The following TMTC3 variants were observed in gnomAD, a reference collection of about 807,000 sequenced individuals.
TMTC3 encodes the protein protein O-mannosyl-transferase TMTC3.
Under a neutral mutation model 92.2 loss-of-function variants are expected in TMTC3, and 52 were observed. The ratio of observed to expected loss-of-function variants is 0.56; its 90% CI spans 0.45 to 0.71. The LOEUF is 0.71. Among genes scored for constraint, TMTC3 ranks in the 30% least tolerant of loss-of-function variants. TMTC3 has a pLI of 0.00. For missense variants in TMTC3, 896 were observed against 1,057.1 expected (o/e 0.85, Z 2.11); for synonymous variants, 339 against 363.3 (o/e 0.93, Z 0.76).
chr12:88,142,838 C>T (rs1389499986), intron 1 of TMTC3, among the ~76,000 whole-genome samples: 1 of 152,070 alleles, frequency 6.6e-6, no homozygotes, highest in Non-Finnish European at 1.5e-5. Flanking sequence ...GATCGTGGGG[C>T]TTGATGGTTG....
chr12:88,153,696 G>T (rs2040972331), intron 3 of TMTC3, among the ~76,000 whole-genome samples, 187 bp downstream of exon 3: 2 of 151,720 alleles, frequency 1.3e-5, no homozygotes, highest in Non-Finnish European at 2.9e-5. Flanking sequence ...ACTTCCTACT[G>T]TGTAAAATTT....
At chr12:88,187,269 A>G (rs1459687113) in intron 10 of TMTC3, among the ~76,000 whole-genome samples, 1 of 152,092 alleles carries the variant, frequency 6.6e-6, no homozygotes, top group Non-Finnish European at 1.5e-5. Context: ...TGATACATAT[A>G]ATGCAAGCAA....
chr12:88,192,802 C>A lies in TMTC3; in HGVS notation c.1905C>A (p.Phe635Leu). 1.2e-6 allele frequency: 2 copies of A among 1,612,612 alleles called. No individual in the cohort carries two copies. The highest frequency in any genetic ancestry group is 2.2e-5 in the South Asian group (2 of 91,034). The change falls in exon 13 of 14, where the codon TTC becomes TTA. Residue 635 changes from phenylalanine (F) to leucine (L), a missense_variant. By Grantham distance (22) the Phe-to-Leu change is conservative. Transcript: ENST00000266712. ...ATCCAAAGCATAAACTAGCATTATTCAACTCTGCTATAGTAATGCAAGAAT... is the reference window on the plus strand; with the variant it reads ...ATCCAAAGCATAAACTAGCATTATTAAACTCTGCTATAGTAATGCAAGAAT... ...ELNPKHKLAL[F>L]NSAIVMQESG...
rs984169486 is a variant in TMTC3 at position 88,194,914 on chromosome 12, G to A, written c.2010G>A (p.Gly670=). 1.2e-6 allele frequency: 2 copies of A among 1,613,658 alleles called. No individual in the cohort carries two copies. Among genetic ancestry groups the A allele is most frequent in the Non-Finnish European group, 1.7e-6 (2 of 1,179,864 alleles). The change falls in exon 14 of 14, where the codon GGG becomes GGA. Residue 670 remains glycine (G), a synonymous_variant. Transcript: ENST00000266712. ...YINEEPLDAN[G]YFNLGMLAMD... is the part of the protein sequence containing the mutation. ...ATGAAGAGCCACTAGATGCTAATGGGTATTTCAATTTGGGAATGCTTGCCA... is the reference window on the plus strand; with the variant it reads ...ATGAAGAGCCACTAGATGCTAATGGATATTTCAATTTGGGAATGCTTGCCA...
intron 10 of TMTC3, among the ~76,000 whole-genome samples, chr12:88,178,922 G>A (rs908634117): frequency 4.6e-5 from 7 of 152,124 alleles, no homozygotes; most frequent in African/African-American, 1.7e-4. Flanking sequence ...ATTCAGTTTT[G>A]TCTAGTGAAT....
At chr12:88,149,060 G>C (rs1188474823) in intron 2 of TMTC3, among the ~76,000 whole-genome samples, 1 of 152,050 alleles carries the variant, frequency 6.6e-6, no homozygotes, top group Admixed American at 6.6e-5. Flanking sequence ...AAATAGATAA[G>C]AATTTAAGAG....
At chr12:88,180,215 A>G (rs993307690) in intron 10 of TMTC3, among the ~76,000 whole-genome samples, 2 of 152,194 alleles carry the variant, frequency 1.3e-5, no homozygotes, top group Non-Finnish European at 2.9e-5. Flanking sequence ...AACATAAGAC[A>G]AACATGAGTA....
chr12:88,152,352 C>T (rs1032317823), intron 2 of TMTC3, among the ~76,000 whole-genome samples: 2 of 151,976 alleles, frequency 1.3e-5, no homozygotes, highest in African/African-American at 4.8e-5. Flanking sequence ...CACATGAACT[C>T]ATTACAGTGG....
chr12:88,192,898 A>G (rs1300509453), intron 13 of TMTC3, 68 bp downstream of exon 13: 1 of 1,314,578 alleles, frequency 7.6e-7, no homozygotes, highest in African/African-American at 1.5e-5. Flanking sequence ...CCTTAATTTA[A>G]CTTTATTACC....
At chr12:88,143,264 G>A (rs1335537281) in intron 1 of TMTC3, among the ~76,000 whole-genome samples, 1 of 151,680 alleles carries the variant, frequency 6.6e-6, no homozygotes, top group African/African-American at 2.4e-5. Context: ...CCCAATTTGG[G>A]TAAAATAAGT....
At chr12:88,177,083 T>A (rs2041267632) in intron 10 of TMTC3, among the ~76,000 whole-genome samples, 1 of 152,126 alleles carries the variant, frequency 6.6e-6, no homozygotes, top group Non-Finnish European at 1.5e-5. Flanking sequence ...CCCAGCACTT[T>A]GGGAGGCCAA....
rs534380193 is a variant in TMTC3, at chr12:88,198,098, G to A, written c.*2449G>A. 28 of 381,596 alleles carry A rather than the reference G, an allele frequency of 7.3e-5. No homozygotes were observed. In the Middle Eastern group the frequency reaches 2.0e-3, roughly 27 times the overall value. The allele number at this position is 381,596 out of a possible 1,614,324, so 23.6% of individuals were successfully genotyped here. On this transcript the variant is annotated 3_prime_UTR_variant, in exon 14 of 14. Transcript: ENST00000266712. ...AGCATTTATTACATGAAATTTAAGA[G>A]TTTAAGTTCCATCAAACTAGCCCTT...
chr12:88,150,556 G>A (rs940923030), intron 2 of TMTC3, among the ~76,000 whole-genome samples: 1 of 152,146 alleles, frequency 6.6e-6, no homozygotes, highest in Admixed American at 6.5e-5. Flanking sequence ...AGACTCATAT[G>A]TTCTGACAGA....
At chr12:88,166,089 A>G (rs1035095899) in intron 6 of TMTC3, among the ~76,000 whole-genome samples, 3 of 152,188 alleles carry the variant, frequency 2.0e-5, no homozygotes, top group Non-Finnish European at 4.4e-5. Context: ...ATAAACAGAA[A>G]TGGATGACCT....
In TMTC3 at chr12:88,153,205, A is replaced by G. The variant is rs2468229; in HGVS notation, c.190-86A>G. On this transcript the variant is annotated intron_variant, in intron 2 of 13. Transcript: ENST00000266712. ...TTCTCAGTAAAATGTAGATATTAAT[A>G]TCTTTAATGGTAAATGCAGTGATGA... 0.59 allele frequency: 427,233 copies of G among 724,158 alleles called. 131,188 individuals are homozygous for G. Among genetic ancestry groups the G allele is most frequent in the Middle Eastern group, 0.67 (1,657 of 2,480 alleles). The allele number at this position is 724,158 out of a possible 1,614,324, so 44.9% of individuals were successfully genotyped here. A position where few individuals can be genotyped will look rare whatever the true frequency, so the allele number is the denominator to read the frequency against.
chr12:88,195,558 A>G lies in TMTC3; in HGVS notation c.2654A>G (p.Lys885Arg). The change falls in exon 14 of 14, where the codon AAA becomes AGA. Residue 885 changes from lysine (K) to arginine (R), a missense_variant. Lys to Arg is a conservative substitution (Grantham distance 26). Coordinates refer to ENST00000266712, the MANE Select transcript of TMTC3 (RefSeq NM_181783.4). ...GKNGDEETPH[K>R]TTKDIKEIEK... Reference sequence around the variant, plus strand: ...AATGGAGACGAAGAGACACCCCACAAAACAACAAAAGACATCAAAGAAATT... The same window carrying G: ...AATGGAGACGAAGAGACACCCCACAGAACAACAAAAGACATCAAAGAAATT... 1.2e-6 allele frequency: 2 copies of G among 1,613,080 alleles called. No individual in the cohort carries two copies. Among genetic ancestry groups the G allele is most frequent in the South Asian group, 2.2e-5 (2 of 90,834 alleles).
intron 2 of TMTC3, among the ~76,000 whole-genome samples, chr12:88,149,591 T>C (rs563553396): frequency 1.1e-4 from 16 of 152,300 alleles, no homozygotes; most frequent in Non-Finnish European, 1.9e-4. Flanking sequence ...CTACACTACC[T>C]GGCACATAGA....
At chr12:88,166,718 TTTG>T in intron 7 of TMTC3, 136 bp downstream of exon 7, 1 of 991,524 alleles carries the variant, frequency 1.0e-6, no homozygotes, top group Non-Finnish European at 1.4e-6. Flanking sequence ...TATAAACGTA[TTTG>T]AGTTTATCCC....
At chr12:88,153,179 T>A in intron 2 of TMTC3, 112 bp from the exon 3 acceptor site, 1 of 617,908 alleles carries the variant, frequency 1.6e-6, no homozygotes, top group African/African-American at 1.9e-5. Context: ...TTTATTGTTA[T>A]TTCTCAGTAA....
Sources: gnomAD v4.1 joint callset for allele counts (sites outside exome capture counted in the v4.1 genomes callset) on GRCh38, gnomAD v4.1.1 for gene constraint, MANE v1.5 for transcripts, NCBI Gene and HGNC (gene_info 2026-07-23, HGNC 2026-07-21) for gene names.